CDH13: variants seen among roughly 807,000 people sequenced by gnomAD.
CDH13 encodes cadherin 13, also known as cadherin-13.
CDH13 carries 24 observed loss-of-function variants against 63.8 expected under a neutral mutation model. The ratio of observed to expected loss-of-function variants is 0.38; its 90% CI spans 0.27 to 0.53. CDH13 has a LOEUF of 0.53. Among genes scored for constraint, CDH13 ranks in the 20% least tolerant of loss-of-function variants. The pLI is 0.85. For synonymous variants in CDH13, 503 were observed against 355.3 expected (o/e 1.42, Z -4.67); for missense variants, 1,049 against 903.1 (o/e 1.16, Z -2.07).
intron 1 of CDH13, among the ~76,000 whole-genome samples, chr16:82,767,044 C>T (rs947865650): frequency 1.3e-5 from 2 of 152,168 alleles, no homozygotes; most frequent in South Asian, 2.1e-4. Flanking sequence ...CTCATGTTTT[C>T]GATTGGACAC....
intron 5 of CDH13, among the ~76,000 whole-genome samples, chr16:83,326,432 T>A (rs1262046350): frequency 6.6e-6 from 1 of 152,096 alleles, no homozygotes; most frequent in Non-Finnish European, 1.5e-5. Flanking sequence ...GTGCTTTTTT[T>A]TTTTTTTTTT....
At position 83,797,953 on chromosome 16, in the gene CDH13, T is replaced by C. The variant is rs1904290713; in HGVS notation, c.*2923T>C. 1 of 152,208 alleles carries C rather than the reference T, an allele frequency of 6.6e-6. No homozygotes were observed. The highest frequency in any genetic ancestry group is 1.5e-5 in the Non-Finnish European group (1 of 68,036). The allele number at this position is 152,208 out of a possible 1,614,324, so 9.4% of individuals were successfully genotyped here. On this transcript the variant is annotated 3_prime_UTR_variant, in exon 14 of 14. Coordinates refer to ENST00000567109, the MANE Select transcript of CDH13 (RefSeq NM_001257.5). ...AAAAGTCACCTTCAATACCGCCAGT[T>C]CTCTCCAAATGAGCATCATTCCAGG...
intron 6 of CDH13, among the ~76,000 whole-genome samples, chr16:83,463,660 G>A (rs923775524): frequency 2.0e-5 from 3 of 152,068 alleles, no homozygotes; most frequent in Non-Finnish European, 2.9e-5. Context: ...AAATTTAACC[G>A]GGCATGGTGG....
intron 6 of CDH13, among the ~76,000 whole-genome samples, chr16:83,378,448 T>C (rs936601767): frequency 1.3e-5 from 2 of 152,200 alleles, no homozygotes; most frequent in Non-Finnish European, 2.9e-5. Context: ...GTTCTAGTTG[T>C]CTGCAACGAT....
chr16:82,884,308 AAAGGAGG>A, intron 2 of CDH13: 2 of 429,562 alleles, frequency 4.7e-6, no homozygotes, highest in South Asian at 3.3e-5. Flanking sequence ...GCTATTGAGA[AAAGGAGG>A]CAACCTGGGG....
At chr16:83,019,802 C>G (rs1200256949) in intron 2 of CDH13, among the ~76,000 whole-genome samples, 2 of 143,546 alleles carry the variant, frequency 1.4e-5, no homozygotes, top group Non-Finnish European at 3.0e-5. Context: ...GGCCAGTAAA[C>G]CTTTTCTTAA....
chr16:83,126,052 C>T (rs1034160652), intron 4 of CDH13, among the ~76,000 whole-genome samples: 1 of 152,198 alleles, frequency 6.6e-6, no homozygotes, highest in Non-Finnish European at 1.5e-5. Context: ...AATACGGATA[C>T]TGCCTCATCA....
Position 83,130,205 on chromosome 16 carries a change from A to G in CDH13, c.483+4704A>G, listed in dbSNP as rs142113584. 8.3e-4 allele frequency among the ~76,000 whole-genome samples: 126 copies of G among 152,292 alleles called. No individual in the cohort carries two copies. The Middle Eastern group carries it at 0.014, about 16-fold the overall frequency. ...GCACTGTGCTAAGCACTTTTCATCT[A>G]TTATGTTGAATTCTTATGATAACAA... On this transcript the variant is annotated intron_variant, in intron 4 of 13. Coordinates refer to ENST00000567109, the MANE Select transcript of CDH13 (RefSeq NM_001257.5).
chr16:83,734,490 C>A (rs573522761), intron 10 of CDH13, among the ~76,000 whole-genome samples: 4 of 151,796 alleles, frequency 2.6e-5, no homozygotes, highest in South Asian at 2.1e-4. Flanking sequence ...GGACAAAAAA[C>A]CAAACACCGC....
chr16:83,342,952 T>C (rs2090760878), intron 5 of CDH13, among the ~76,000 whole-genome samples: 2 of 151,736 alleles, frequency 1.3e-5, no homozygotes, highest in Non-Finnish European at 2.9e-5. Context: ...CTCAGAGCTT[T>C]ATTTTGATTG....
intron 1 of CDH13, among the ~76,000 whole-genome samples, chr16:82,847,251 A>C (rs1266975553): frequency 6.6e-6 from 1 of 152,234 alleles, no homozygotes; most frequent in East Asian, 1.9e-4. Flanking sequence ...AAATTTAGCA[A>C]TTTAAAACGA....
intron 7 of CDH13, among the ~76,000 whole-genome samples, chr16:83,569,883 C>T (rs1345683979): frequency 6.6e-6 from 1 of 152,146 alleles, no homozygotes; most frequent in Non-Finnish European, 1.5e-5. Flanking sequence ...ACTACAGGTG[C>T]ACGCCACCAT....
intron 7 of CDH13, among the ~76,000 whole-genome samples, chr16:83,582,046 A>C (rs186711038): frequency 3.3e-5 from 5 of 152,216 alleles, no homozygotes; most frequent in Non-Finnish European, 7.4e-5. Context: ...ATGTTTGTGG[A>C]ATTAATGGAT....
rs57486405 is a variant in CDH13 at position 82,869,346 on chromosome 16, AT to A, written c.157+10887del. Among the ~76,000 whole-genome samples, 824 of 146,000 alleles carry A rather than the reference AT, an allele frequency of 5.6e-3. 3 individuals carry two copies. The highest frequency in any genetic ancestry group is 0.015 in the African/African-American group (604 of 40,020). On this transcript the variant is annotated intron_variant, in intron 2 of 13. Coordinates refer to ENST00000567109, the MANE Select transcript of CDH13 (RefSeq NM_001257.5). The stretch of plus-strand genomic sequence containing the variant: ...GTGTGAACCACTGCGCTCAGCGGGA[AT>A]TTTTTTTTTTTTTCTTTTTAAACAC...
chr16:82,848,000 A>G (rs1031874708), intron 1 of CDH13, among the ~76,000 whole-genome samples: 3 of 151,756 alleles, frequency 2.0e-5, no homozygotes, highest in African/African-American at 7.3e-5. Flanking sequence ...TAAATTTAGC[A>G]TTTCATTTGG....
At chr16:82,785,932 G>C (rs2035980718) in intron 1 of CDH13, among the ~76,000 whole-genome samples, 1 of 152,210 alleles carries the variant, frequency 6.6e-6, no homozygotes, top group Non-Finnish European at 1.5e-5. Flanking sequence ...TCTTATCCCT[G>C]ATGCACGTGG....
intron 2 of CDH13, among the ~76,000 whole-genome samples, chr16:83,016,716 C>T (rs1442836293): frequency 6.6e-6 from 1 of 152,026 alleles, no homozygotes; most frequent in Non-Finnish European, 1.5e-5. Context: ...CATTTCTGGA[C>T]CCTGTCCTGG....
chr16:83,292,048 A>G (rs886999462), intron 5 of CDH13, among the ~76,000 whole-genome samples: 1 of 152,158 alleles, frequency 6.6e-6, no homozygotes, highest in Non-Finnish European at 1.5e-5. Flanking sequence ...CTATTGGCCT[A>G]TGTTGGCCAC....
At chr16:83,268,337 C>T (rs1032925604) in intron 5 of CDH13, among the ~76,000 whole-genome samples, 2 of 152,166 alleles carry the variant, frequency 1.3e-5, no homozygotes, top group African/African-American at 4.8e-5. Context: ...TGTGTGTAGC[C>T]TGAGGGATCT....
Sources: gnomAD v4.1 joint callset for allele counts (sites outside exome capture counted in the v4.1 genomes callset) on GRCh38, gnomAD v4.1.1 for gene constraint, MANE v1.5 for transcripts, NCBI Gene and HGNC (gene_info 2026-07-23, HGNC 2026-07-21) for gene names.